SLIT3: variants seen among roughly 807,000 people sequenced by gnomAD.
SLIT3 encodes slit homolog 3 protein.
SLIT3 carries 68 observed loss-of-function variants against 184.0 expected under a neutral mutation model. That is an observed-to-expected ratio of 0.37 (90% CI 0.30 to 0.45). SLIT3 has a LOEUF of 0.45. Among genes scored for constraint, SLIT3 ranks in the 20% least tolerant of loss-of-function variants. SLIT3 has a pLI of 1.00. For synonymous variants in SLIT3, 831 were observed against 828.6 expected (o/e 1.00, Z -0.05); for missense variants, 1,707 against 2,026.0 (o/e 0.84, Z 3.02).
At chr5:169,070,278 C>T (rs778856642) in intron 4 of SLIT3, among the ~76,000 whole-genome samples, 4 of 152,186 alleles carry the variant, frequency 2.6e-5, no homozygotes, top group Non-Finnish European at 2.9e-5. Context: ...CTGGGGAATC[C>T]AAGTAATGGA....
intron 4 of SLIT3, among the ~76,000 whole-genome samples, chr5:168,957,992 C>T (rs937488980): frequency 1.3e-5 from 2 of 152,162 alleles, no homozygotes; most frequent in Non-Finnish European, 2.9e-5. Flanking sequence ...CATTTTCTCT[C>T]TCCACTACCC....
At chr5:169,132,779 G>C (rs1045144308) in intron 4 of SLIT3, among the ~76,000 whole-genome samples, 2 of 150,146 alleles carry the variant, frequency 1.3e-5, no homozygotes, top group Non-Finnish European at 3.0e-5. Flanking sequence ...AATGACTCCT[G>C]TCTAGCTCTG....
intron 4 of SLIT3, among the ~76,000 whole-genome samples, chr5:168,919,644 TAAA>T (rs967568718): frequency 3.3e-5 from 5 of 151,576 alleles, no homozygotes; most frequent in Non-Finnish European, 4.4e-5. Context: ...GTAATTTTTT[TAAA>T]AAAAAAACAA....
chr5:169,263,805 C>A, intron 1 of SLIT3: 1 of 402,452 alleles, frequency 2.5e-6, no homozygotes, highest in South Asian at 1.9e-5. Context: ...TCATTTTGGT[C>A]TTTCATCACG....
chr5:169,140,538 C>A (rs1761692154), intron 4 of SLIT3, among the ~76,000 whole-genome samples: 1 of 144,278 alleles, frequency 6.9e-6, no homozygotes, highest in African/African-American at 2.5e-5. Flanking sequence ...CGGTGGCTCA[C>A]ATCCACCTGT....
intron 4 of SLIT3, among the ~76,000 whole-genome samples, chr5:169,138,701 G>A (rs904628217): frequency 1.3e-5 from 2 of 152,194 alleles, no homozygotes; most frequent in African/African-American, 4.8e-5. Context: ...TGCGAGCCTT[G>A]CGTGTTCTCC....
chr5:169,022,280 T>A (rs1314921418), intron 4 of SLIT3: 1 of 152,156 alleles, frequency 6.6e-6, no homozygotes, highest in Non-Finnish European at 1.5e-5. Flanking sequence ...GGAAGAAGCA[T>A]ATTGAGTGAG....
chr5:169,053,794 T>C (rs1277022732), intron 4 of SLIT3, among the ~76,000 whole-genome samples: 2 of 151,874 alleles, frequency 1.3e-5, no homozygotes, highest in African/African-American at 4.8e-5. Context: ...TGTGACCTTA[T>C]TTCAAAATAG....
rs1755193946 is a variant in SLIT3 at position 168,762,541 on chromosome 5, G to A, written c.1608C>T (p.Asp536=). 1.9e-6 allele frequency: 3 copies of A among 1,613,190 alleles called. No homozygotes were observed. Among genetic ancestry groups the A allele is most frequent in the African/African-American group, 1.3e-5 (1 of 74,894 alleles). Residue 536 remains aspartate (D), a splice_region_variant and synonymous_variant, in exon 15 of 36, where the codon GAC becomes GAT. Transcript: ENST00000519560. ...IPSHLPEYVT[D]LRLNDNEVSV... ...GTTCACGCCGAGGTTGGACTTACAG[G>A]TCGGTGACATATTCAGGGAGGTGGC...
intron 20 of SLIT3, among the ~76,000 whole-genome samples, chr5:168,739,691 C>G (rs1397446406): frequency 6.6e-6 from 1 of 152,158 alleles, no homozygotes; most frequent in Non-Finnish European, 1.5e-5. Flanking sequence ...GCTGATCCAC[C>G]CACCTCGGCC....
At chr5:168,825,014 A>G (rs1757654324) in intron 6 of SLIT3, among the ~76,000 whole-genome samples, 1 of 152,216 alleles carries the variant, frequency 6.6e-6, no homozygotes, top group African/African-American at 2.4e-5. Context: ...TTGAAATCAA[A>G]TCCTACTACT....
Position 168,665,627 on chromosome 5 carries a change from C to T in SLIT3, c.*827G>A, listed in dbSNP as rs1761008349. On this transcript the variant is annotated 3_prime_UTR_variant, in exon 36 of 36. Transcript: ENST00000519560. Reference sequence around the variant, plus strand: ...AATTTGGTAAGACAGTTCCAAATGACACCTGTAGCAGACTTCAATAGTCAG... The same window carrying T: ...AATTTGGTAAGACAGTTCCAAATGATACCTGTAGCAGACTTCAATAGTCAG... The T allele has an allele frequency of 6.6e-6, 1 of 152,264 alleles. No individual in the cohort carries two copies. Among genetic ancestry groups the T allele is most frequent in the Admixed American group, 6.5e-5 (1 of 15,284 alleles). 9.4% of individuals were successfully genotyped at this position (152,264 alleles called of 1,614,324 possible).
intron 4 of SLIT3, among the ~76,000 whole-genome samples, chr5:169,112,093 G>A (rs1216744820): frequency 6.6e-6 from 1 of 152,212 alleles, no homozygotes; most frequent in Non-Finnish European, 1.5e-5. Flanking sequence ...ACTGCTGATG[G>A]GGAACGAACA....
At chr5:169,293,643 C>T (rs1214691510) in intron 1 of SLIT3, among the ~76,000 whole-genome samples, 1 of 152,256 alleles carries the variant, frequency 6.6e-6, no homozygotes. Context: ...AAAACTGAGG[C>T]CCATCCAGCT....
At chr5:168,830,802 A>G (rs1329387443) in intron 6 of SLIT3, among the ~76,000 whole-genome samples, 2 of 152,228 alleles carry the variant, frequency 1.3e-5, no homozygotes, top group African/African-American at 4.8e-5. Flanking sequence ...ATTTTTCATC[A>G]TTACACAAAA....
intron 20 of SLIT3, among the ~76,000 whole-genome samples, chr5:168,736,739 A>AGTGCCTGCGCTTGCCTCCTCCCTGC (rs1561901574): frequency 1.3e-5 from 2 of 151,614 alleles, no homozygotes; most frequent in African/African-American, 4.9e-5. Flanking sequence ...TGCAATGCAG[A>AGTGCCTGCGCTTGCCTCCTCCCTGC]TGTCAGTTTT....
At chr5:169,114,573 T>C (rs1198160956) in intron 4 of SLIT3, among the ~76,000 whole-genome samples, 2 of 152,208 alleles carry the variant, frequency 1.3e-5, no homozygotes, top group African/African-American at 4.8e-5. Context: ...AGCTGAGCAG[T>C]ACACCATAGG....
At chr5:168,979,979 A>T (rs1754895241) in intron 4 of SLIT3, among the ~76,000 whole-genome samples, 1 of 152,206 alleles carries the variant, frequency 6.6e-6, no homozygotes, top group Non-Finnish European at 1.5e-5. Context: ...GAGAACAGGA[A>T]CTGGGCAAAA....
chr5:168,957,655 T>C (rs1324750244), intron 4 of SLIT3, among the ~76,000 whole-genome samples: 1 of 152,190 alleles, frequency 6.6e-6, no homozygotes, highest in African/African-American at 2.4e-5. Context: ...GTGGAGCTGG[T>C]CAAAGCAGAC....
Sources: gnomAD v4.1 joint callset for allele counts (sites outside exome capture counted in the v4.1 genomes callset) on GRCh38, gnomAD v4.1.1 for gene constraint, MANE v1.5 for transcripts, NCBI Gene and HGNC (gene_info 2026-07-23, HGNC 2026-07-21) for gene names.